AFF1: variants seen among roughly 807,000 people sequenced by gnomAD.
AFF1 encodes ALF transcription elongation factor 1, also known as AF4/FMR2 family member 1.
A neutral mutation model predicts 121.7 loss-of-function variants in AFF1; 48 were observed. That is an observed-to-expected ratio of 0.39 (90% confidence interval 0.31 to 0.50). The LOEUF (loss-of-function observed/expected upper bound fraction) is 0.50. AFF1 is among the 20% of genes least tolerant of loss of function. The pLI is 0.76. For missense variants in AFF1, 1,523 were observed against 1,511.7 expected (o/e 1.01, Z -0.12); for synonymous variants, 613 against 563.0 (o/e 1.09, Z -1.26).
At chr4:87,108,080 G>T (rs114249088) in intron 10 of AFF1, 79 bp from the exon 11 acceptor site, 37,671 of 1,512,108 alleles carry the variant, frequency 0.025, 566 homozygotes, top group Middle Eastern at 0.032. Context: ...CTTTTGAGTA[G>T]CAGGAAAATG....
At chr4:87,072,974 T>A (rs1431688932) in intron 4 of AFF1, among the ~76,000 whole-genome samples, 1 of 151,982 alleles carries the variant, frequency 6.6e-6, no homozygotes, top group Non-Finnish European at 1.5e-5. Context: ...TCTGATGTAG[T>A]TTGTGTATAG....
At chr4:86,967,590 GAAGT>G (rs1190138632) in intron 2 of AFF1, among the ~76,000 whole-genome samples, 2 of 152,106 alleles carry the variant, frequency 1.3e-5, no homozygotes, top group Non-Finnish European at 2.9e-5. Context: ...GTGGGGATAT[GAAGT>G]AAGTAGTGCA....
intron 4 of AFF1, among the ~76,000 whole-genome samples, chr4:87,063,256 T>TTTTGA (rs869168821): frequency 2.2e-5 from 3 of 134,550 alleles, no homozygotes; most frequent in Admixed American, 7.5e-5. Flanking sequence ...TTTTTTTTTT[T>TTTTGA]GAGACAGAGT....
chr4:86,974,657 G>C (rs948107064), intron 2 of AFF1, among the ~76,000 whole-genome samples: 7 of 152,174 alleles, frequency 4.6e-5, no homozygotes, highest in Non-Finnish European at 7.3e-5. Flanking sequence ...TTCCTGAAAG[G>C]ATGGTATTTT....
intron 2 of AFF1, chr4:86,949,865 A>G (rs1721173042): frequency 1.2e-6 from 2 of 1,613,662 alleles, no homozygotes; most frequent in South Asian, 1.1e-5. Flanking sequence ...GGGGCAGGAC[A>G]CCAGCAGGAA....
chr4:86,957,839 G>T (rs1488340670), intron 2 of AFF1, among the ~76,000 whole-genome samples: 2 of 152,062 alleles, frequency 1.3e-5, no homozygotes, highest in Non-Finnish European at 2.9e-5. Flanking sequence ...ACCATGCCCA[G>T]CCCTGAGCCA....
chr4:87,097,545 A>G (rs1019495621), intron 8 of AFF1, among the ~76,000 whole-genome samples: 3 of 152,232 alleles, frequency 2.0e-5, no homozygotes, highest in African/African-American at 7.2e-5. Flanking sequence ...TTGCTTTATA[A>G]AAACTATTAA....
intron 2 of AFF1, among the ~76,000 whole-genome samples, chr4:86,995,748 G>C (rs936819015): frequency 1.3e-5 from 2 of 152,028 alleles, no homozygotes; most frequent in Non-Finnish European, 2.9e-5. Flanking sequence ...TCTGGGAAGT[G>C]AGGAGCGTCT....
At chr4:87,109,206 A>G (rs1430531812) in intron 11 of AFF1, among the ~76,000 whole-genome samples, 2 of 152,206 alleles carry the variant, frequency 1.3e-5, no homozygotes, top group African/African-American at 4.8e-5. Flanking sequence ...TAATTAGGAA[A>G]GCATTAAAAA....
chr4:87,073,992 CATGTGTGTGT>C (rs34871536), intron 4 of AFF1, among the ~76,000 whole-genome samples: 5,674 of 152,032 alleles, frequency 0.037, 397 homozygotes, highest in African/African-American at 0.13. Flanking sequence ...TGCGTGTGTG[CATGTGTGTGT>C]AGGACTGGAT....
chr4:87,096,066 G>C (rs1022908226), intron 8 of AFF1, among the ~76,000 whole-genome samples: 1 of 152,134 alleles, frequency 6.6e-6, no homozygotes, highest in African/African-American at 2.4e-5. Context: ...ACTAAATGTG[G>C]GTCTGGGTTA....
At chr4:87,045,346 AGT>A (rs1207129965) in intron 2 of AFF1, among the ~76,000 whole-genome samples, 1 of 151,898 alleles carries the variant, frequency 6.6e-6, no homozygotes, top group African/African-American at 2.4e-5. Flanking sequence ...AGGGCTGGGA[AGT>A]GACCCTTGGT....
chr4:87,012,767 A>T (rs1322726068), intron 2 of AFF1, among the ~76,000 whole-genome samples: 3 of 152,210 alleles, frequency 2.0e-5, no homozygotes, highest in Non-Finnish European at 1.5e-5. Flanking sequence ...CTAATGCCCC[A>T]GGGAACTAAA....
rs1306199950 is a variant in AFF1, at chr4:87,138,038, T to C, written c.*2337T>C. The C allele has an allele frequency of 4.3e-6, 1 of 230,784 alleles. No individual in the cohort carries two copies. The highest frequency in any genetic ancestry group is 8.6e-6 in the Non-Finnish European group (1 of 116,768). The allele number at this position is 230,784 out of a possible 1,614,324, so 14.3% of individuals were successfully genotyped here. On this transcript the variant is annotated 3_prime_UTR_variant, in exon 21 of 21. Coordinates refer to ENST00000395146, the MANE Select transcript of AFF1 (RefSeq NM_001166693.3). The stretch of plus-strand genomic sequence containing the variant: ...CCTTACTCTTTGTGGGTTTTTTTTT[T>C]TTTCTCTGAACTTGATATAAAGATT...
At chr4:87,060,835 C>CAAAAAAAAAAAAAAAAAAAA (rs749186199) in intron 4 of AFF1, among the ~76,000 whole-genome samples, 24 of 62,246 alleles carry the variant, frequency 3.9e-4, no homozygotes, top group Admixed American at 6.8e-4. Context: ...GACTCTGTCT[C>CAAAAAAAAAAAAAAAAAAAA]AAAAAAAAAA....
chr4:87,023,063 T>C (rs918882031), intron 2 of AFF1, among the ~76,000 whole-genome samples: 2 of 151,958 alleles, frequency 1.3e-5, no homozygotes, highest in African/African-American at 2.4e-5. Context: ...CACACCACCA[T>C]GCCCAGCTAA....
rs3839151 is a variant in AFF1, at chr4:86,961,661, CA to C, written c.38+13103del. ...GAAAAAGATGAAAAGATTAGTTACC[CA>C]AAAAAAAAAAAATTAAGGAATGGAG... On this transcript the variant is annotated intron_variant, in intron 2 of 20. Transcript: ENST00000395146. Among the ~76,000 whole-genome samples the C allele has an allele frequency of 4.4e-3, 640 of 144,730 alleles. 7 individuals are homozygous for C. The highest frequency in any genetic ancestry group is 0.014 in the African/African-American group (532 of 38,418). 94.9% of individuals were successfully genotyped at this position (144,730 alleles called of 152,430 possible).
At chr4:86,968,611 T>TA (rs1485575685) in intron 2 of AFF1, among the ~76,000 whole-genome samples, 1 of 152,150 alleles carries the variant, frequency 6.6e-6, no homozygotes, top group African/African-American at 2.4e-5. Context: ...GCAACTCTTG[T>TA]AAAAATAAGC....
intron 4 of AFF1, 29 bp downstream of exon 4, chr4:87,047,623 T>C (rs770349840): frequency 1.2e-6 from 2 of 1,613,574 alleles, no homozygotes; most frequent in Admixed American, 3.3e-5. Context: ...CTTGGGGAAT[T>C]CCAATTCGAA....
Sources: gnomAD v4.1 joint callset for allele counts (sites outside exome capture counted in the v4.1 genomes callset) on GRCh38, gnomAD v4.1.1 for gene constraint, MANE v1.5 for transcripts, NCBI Gene and HGNC (gene_info 2026-07-23, HGNC 2026-07-21) for gene names.